The following NXF3 variants were observed in gnomAD, a reference collection of about 807,000 sequenced individuals.
NXF3 encodes the protein TAP-like protein 3.
In NXF3, 34 loss-of-function variants were observed where a neutral mutation model predicts 48.4. That is an observed-to-expected ratio of 0.70 (90% CI 0.53 to 0.93). The LOEUF is 0.93. Among genes scored for constraint, NXF3 ranks in the 40% least tolerant of loss-of-function variants. NXF3 has a pLI of 0.00. For synonymous variants in NXF3, 132 were observed against 145.7 expected, an observed-to-expected ratio of 0.91 and a Z score of 0.68; for missense variants, 359 against 406.1, an observed-to-expected ratio of 0.88 and a Z score of 1.00.
intron 8 of NXF3, 25 bp downstream of exon 8, chrX:103,082,735 T>A (rs1810196932): frequency 8.7e-7 from 1 of 1,143,010 alleles, no homozygotes; most frequent in African/African-American, 1.8e-5. Flanking sequence ...TCACCCTCAA[T>A]CCCAGCATGA....
At chrX:103,080,463 G>T (rs748098042) in intron 10 of NXF3, 113 bp downstream of exon 10, 17 of 810,412 alleles carry the variant, frequency 2.1e-5, no homozygotes, top group Non-Finnish European at 3.2e-5. Flanking sequence ...CTCCCTTGAG[G>T]TTTAAGGGTT....
At chrX:103,083,331 AG>A (rs1922065241) in intron 5 of NXF3, 58 bp from the exon 6 acceptor site, 3 of 1,171,972 alleles carry the variant, frequency 2.6e-6, no homozygotes, top group Non-Finnish European at 3.5e-6. Context: ...CCCAAGATCA[AG>A]CAAGACCTTA....
At position 103,076,735 on chromosome X, in the gene NXF3, A is replaced by G. The variant is rs1433364559; in HGVS notation, c.1585-434T>C. On this transcript the variant is annotated intron_variant, in intron 18 of 19. Transcript: ENST00000395065. ...AAATTGATAGCTTATCTTTACAGGT[A>G]CAGTCACCCCCCCATCCACCAGACA... Among the ~76,000 whole-genome samples, 3 of 109,128 alleles carry G rather than the reference A, an allele frequency of 2.7e-5. No homozygotes were observed. The East Asian group carries it at 8.7e-4, about 32-fold the overall frequency. 94.8% of individuals were successfully genotyped at this position (109,128 alleles called of 115,157 possible).
At chrX:103,082,612 G>A (rs1284624219) in intron 8 of NXF3, 148 bp downstream of exon 8, 4 of 520,418 alleles carry the variant, frequency 7.7e-6, no homozygotes, top group Non-Finnish European at 1.3e-5. Flanking sequence ...CTTTGTTGCT[G>A]TTTGGGTTCA....
In NXF3 at chrX:103,089,016, G is replaced by C. The variant is rs2147597784; in HGVS notation, c.28+3980C>G. The C allele has an allele frequency of 2.6e-6, 3 of 1,158,729 alleles. No homozygotes were observed. The South Asian group carries it at 5.4e-5, about 21-fold the overall frequency. ...TCTTCCTAATGTACTTTTGGAATCAGAGCAAAGCCATCCTTTTTGCAGTTA... is the reference window on the plus strand; with the variant it reads ...TCTTCCTAATGTACTTTTGGAATCACAGCAAAGCCATCCTTTTTGCAGTTA... On this transcript the variant is annotated intron_variant, in intron 1 of 19. Transcript: ENST00000395065.
Position 103,077,715 on chromosome X carries a change from G to A in NXF3, c.1483C>T (p.Arg495Trp), listed in dbSNP as rs754626246. Residue 495 changes from arginine to tryptophan, a missense_variant, in exon 18 of 20, where the codon CGG (arginine) becomes TGG (tryptophan). Arg to Trp is a moderately radical substitution (Grantham distance 101). Coordinates refer to ENST00000395065, the MANE Select transcript of NXF3 (RefSeq NM_022052.2). ...LCIVNDKLFVRDTSHQGTQSA... is the reference protein window; with the variant it reads ...LCIVNDKLFVWDTSHQGTQSA... ...TGGGTCCCTTGGTGGCTGGTATCCC[G>A]CACAAAGAGCTTGTCATTCACGATG... The A allele has an allele frequency of 8.3e-6, 10 of 1,208,706 alleles. No individual in the cohort carries two copies. The highest frequency in any genetic ancestry group is 6.6e-5 in the Admixed American group (3 of 45,684).
chrX:103,082,409 T>C (rs761106826), intron 8 of NXF3, 45 bp from the exon 9 acceptor site: 1 of 907,748 alleles, frequency 1.1e-6, no homozygotes, highest in South Asian at 2.2e-5. Flanking sequence ...AAAGAGCAGC[T>C]GGAGGGCCCT....
chrX:103,086,029 C>G, intron 1 of NXF3, among the ~76,000 whole-genome samples: 1 of 110,491 alleles, frequency 9.1e-6, no homozygotes, highest in Non-Finnish European at 1.9e-5. Flanking sequence ...CCAGGCTGGT[C>G]TCAAATTCCA....
At chrX:103,076,206 C>T (rs1010821460) in intron 19 of NXF3, 35 bp downstream of exon 19, 4 of 1,074,761 alleles carry the variant, frequency 3.7e-6, no homozygotes, top group Non-Finnish European at 5.2e-6. Context: ...GGCCACCCAA[C>T]CTCTGCTCAC....
intron 1 of NXF3, among the ~76,000 whole-genome samples, chrX:103,086,147 G>A (rs1922148923): frequency 2.9e-5 from 3 of 103,306 alleles, no homozygotes; most frequent in South Asian, 8.8e-4. Flanking sequence ...TAGCTGGCTG[G>A]CGGTGGCTCA....
At chrX:103,091,765 C>G (rs1449907662) in intron 1 of NXF3, among the ~76,000 whole-genome samples, 3 of 110,248 alleles carry the variant, frequency 2.7e-5, no homozygotes, top group Non-Finnish European at 5.7e-5. Context: ...ACAGGTGGAT[C>G]ACGAGGTCAG....
intron 3 of NXF3, among the ~76,000 whole-genome samples, chrX:103,084,100 T>TAGC (rs1269461459): frequency 9.0e-6 from 1 of 111,274 alleles, no homozygotes; most frequent in Non-Finnish European, 1.9e-5. Context: ...TCTATCTCCT[T>TAGC]AGCATTCGTT....
chrX:103,088,320 C>T, intron 1 of NXF3: 1 of 541,865 alleles, frequency 1.8e-6, no homozygotes, highest in Non-Finnish European at 3.2e-6. Flanking sequence ...GTGAGCCGTG[C>T]TCTGAACAAA....
At position 103,080,082 on chromosome X, in the gene NXF3, T is replaced by G. The variant is rs377413103; in HGVS notation, c.997-14A>C. 8.3e-7 allele frequency: 1 copy of G among 1,207,338 alleles called. No homozygotes were observed. Among genetic ancestry groups the G allele is most frequent in the African/African-American group, 1.8e-5 (1 of 56,577 alleles). On this transcript the variant is annotated splice_polypyrimidine_tract_variant and intron_variant, in intron 11 of 19. Coordinates refer to ENST00000395065, the MANE Select transcript of NXF3 (RefSeq NM_022052.2). ...AAAGAAGCTTCCCTGGAATAAAGAG[T>G]CCCCAGGACCACAGATGGTACCCCC... is the stretch of plus-strand genomic sequence containing the variant.
intron 1 of NXF3, among the ~76,000 whole-genome samples, chrX:103,086,102 G>A (rs978711099): frequency 5.5e-5 from 6 of 109,267 alleles, no homozygotes; most frequent in African/African-American, 1.3e-4. Flanking sequence ...GTCGGCCACC[G>A]TGCCCGGCCT....
At chrX:103,080,748 C>T in intron 9 of NXF3, 136 bp from the exon 10 acceptor site, 1 of 581,188 alleles carries the variant, frequency 1.7e-6, no homozygotes, top group Non-Finnish European at 2.9e-6. Context: ...CCTCTGCAGC[C>T]CTGGGCAGCA....
rs572562423 is a variant in NXF3 at position 103,080,436 on chromosome X, C to T, written c.927+140G>A. On this transcript the variant is annotated intron_variant, in intron 10 of 19. Coordinates refer to ENST00000395065, the MANE Select transcript of NXF3 (RefSeq NM_022052.2). ...GCTCTGCCAAGTTCCCACATGGGTC[C>T]GTATTCCCTTCCCCCACTCCCTTGA... The T allele has an allele frequency of 2.0e-4, 131 of 671,498 alleles. 1 individual carries two copies. Among genetic ancestry groups the T allele is most frequent in the African/African-American group, 5.0e-4 (23 of 46,150 alleles). The allele number at this position is 671,498 out of a possible 1,213,427, so 55.3% of individuals were successfully genotyped here.
chrX:103,089,019 C>G (rs920077284), intron 1 of NXF3: 44 of 1,153,035 alleles, frequency 3.8e-5, no homozygotes, highest in Non-Finnish European at 5.1e-5. Context: ...GGAATCAGAG[C>G]AAAGCCATCC....
chrX:103,082,209 C>A (rs1158147676), intron 9 of NXF3, 46 bp downstream of exon 9: 2 of 930,614 alleles, frequency 2.1e-6, no homozygotes, highest in African/African-American at 3.8e-5. Flanking sequence ...AGGGCGCTAT[C>A]AAACACAGGT....
Sources: allele counts gnomAD v4.1 joint callset (sites outside exome capture counted in the v4.1 genomes callset), GRCh38; gene constraint gnomAD v4.1.1; transcripts MANE v1.5; gene names NCBI Gene and HGNC (gene_info 2026-07-23, HGNC 2026-07-21).